The following PLEKHM3 variants were observed in gnomAD, a reference collection of about 807,000 sequenced individuals.
PLEKHM3 encodes the protein pleckstrin homology domain-containing family M member 3.
Under a neutral mutation model 81.8 loss-of-function variants are expected in PLEKHM3, and 45 were observed. That is an observed-to-expected ratio of 0.55 (90% CI 0.43 to 0.71). The LOEUF is 0.71. Ranked by LOEUF, PLEKHM3 falls within the 30% of genes least tolerant of loss-of-function variation. The probability of loss-of-function intolerance (pLI) is 0.00; values close to 1 mark genes in which losing one functional copy is unlikely to be tolerated. For missense variants in PLEKHM3, 788 were observed against 924.3 expected (o/e 0.85, Z 1.91); for synonymous variants, 352 against 356.4 (o/e 0.99, Z 0.14).
intron 4 of PLEKHM3, 87 bp from the exon 5 acceptor site, chr2:207,931,206 A>C: frequency 1.6e-6 from 2 of 1,235,544 alleles, no homozygotes; most frequent in Non-Finnish European, 2.2e-6. Flanking sequence ...TGAAATATCA[A>C]AGGAACACGA....
chr2:207,915,447 G>C (rs1245826196), intron 5 of PLEKHM3, among the ~76,000 whole-genome samples: 1 of 152,042 alleles, frequency 6.6e-6, no homozygotes, highest in East Asian at 1.9e-4. Flanking sequence ...CTCCCACCAA[G>C]CCCCAGTGCT....
intron 7 of PLEKHM3, among the ~76,000 whole-genome samples, chr2:207,842,568 A>G (rs1017124556): frequency 2.6e-5 from 4 of 152,168 alleles, no homozygotes; most frequent in Non-Finnish European, 5.9e-5. Context: ...TTTCAGCCTG[A>G]TATATATTAA....
chr2:207,950,801 T>TA (rs1057017694), intron 3 of PLEKHM3, among the ~76,000 whole-genome samples: 5 of 152,206 alleles, frequency 3.3e-5, no homozygotes, highest in East Asian at 1.9e-4. Flanking sequence ...AGTCAATTTC[T>TA]AAAAAACTGG....
rs192266146 is a variant in PLEKHM3, at chr2:207,858,946, A to C, written c.2108+2159T>G. Among the ~76,000 whole-genome samples the C allele has an allele frequency of 1.6e-3, 250 of 152,268 alleles. 1 individual carries two copies. The highest frequency in any genetic ancestry group is 5.6e-3 in the African/African-American group (234 of 41,566). Reference sequence around the variant, plus strand: ...CAAAAAGAAACCTATACCCATGAGTAGTAACTCCCTTTCCTCCTTCCCCCA... The same window carrying C: ...CAAAAAGAAACCTATACCCATGAGTCGTAACTCCCTTTCCTCCTTCCCCCA... On this transcript the variant is annotated intron_variant, in intron 7 of 7. Coordinates refer to ENST00000427836, the MANE Select transcript of PLEKHM3 (RefSeq NM_001080475.3).
intron 7 of PLEKHM3, 152 bp from the exon 8 acceptor site, chr2:207,828,648 G>T: frequency 1.3e-6 from 1 of 744,786 alleles, no homozygotes; most frequent in Admixed American, 3.1e-5. Context: ...GAAATGAACT[G>T]TTTGTTTTTC....
At chr2:207,911,975 A>G (rs1433855607) in intron 5 of PLEKHM3, among the ~76,000 whole-genome samples, 1 of 152,212 alleles carries the variant, frequency 6.6e-6, no homozygotes, top group African/African-American at 2.4e-5. Context: ...CTTATTTACA[A>G]ATTTACAAAC....
At chr2:207,863,834 T>C (rs1480490118) in intron 6 of PLEKHM3, among the ~76,000 whole-genome samples, 5 of 151,964 alleles carry the variant, frequency 3.3e-5, no homozygotes. Flanking sequence ...AATAAAAGAA[T>C]AACTTTTCTA....
Position 207,822,808 on chromosome 2 carries a change from T to A in PLEKHM3, c.*5511A>T, listed in dbSNP as rs2092225968. ...AGGCTTCAAGTGGTTCAGACTAGAC[T>A]AGAAGCACGAGACAGTACTATAAGG... On this transcript the variant is annotated 3_prime_UTR_variant, in exon 8 of 8. Transcript: ENST00000427836. 1 of 152,154 alleles carries A rather than the reference T, an allele frequency of 6.6e-6. No individual in the cohort carries two copies. Among genetic ancestry groups the A allele is most frequent in the Non-Finnish European group, 1.5e-5 (1 of 68,044 alleles). 9.4% of individuals were successfully genotyped at this position (152,154 alleles called of 1,614,324 possible). A position where few individuals can be genotyped will look rare whatever the true frequency, so the allele number is the denominator to read the frequency against.
intron 7 of PLEKHM3, among the ~76,000 whole-genome samples, chr2:207,848,822 A>G (rs529711588): frequency 6.6e-6 from 1 of 152,362 alleles, no homozygotes; most frequent in East Asian, 1.9e-4. Flanking sequence ...CATGTTCTTC[A>G]GGACAAGCTG....
At chr2:207,983,826 T>C (rs1242698752) in intron 2 of PLEKHM3, among the ~76,000 whole-genome samples, 8 of 152,204 alleles carry the variant, frequency 5.3e-5, no homozygotes, top group Admixed American at 5.2e-4. Flanking sequence ...GTTCCTCTTT[T>C]GCCACTATTT....
chr2:207,864,506 CTA>C (rs1223782981), intron 6 of PLEKHM3, among the ~76,000 whole-genome samples: 1 of 152,142 alleles, frequency 6.6e-6, no homozygotes, highest in Non-Finnish European at 1.5e-5. Flanking sequence ...CACTAACAAA[CTA>C]TAGTCCATTT....
At chr2:207,861,371 A>C in intron 6 of PLEKHM3, 109 bp from the exon 7 acceptor site, 1 of 1,227,794 alleles carries the variant, frequency 8.1e-7, no homozygotes, top group Non-Finnish European at 1.1e-6. Context: ...AAAACCTCTA[A>C]TTATAATTTC....
At chr2:207,862,252 A>C (rs2092471292) in intron 6 of PLEKHM3, among the ~76,000 whole-genome samples, 1 of 152,236 alleles carries the variant, frequency 6.6e-6, no homozygotes, top group African/African-American at 2.4e-5. Flanking sequence ...AAAACAATTG[A>C]AGATTACATT....
intron 7 of PLEKHM3, among the ~76,000 whole-genome samples, chr2:207,830,607 C>CAAAAA (rs10685657): frequency 7.8e-6 from 1 of 127,538 alleles, no homozygotes; most frequent in African/African-American, 3.0e-5. Flanking sequence ...AACTCTGTCT[C>CAAAAA]AAAAAAAAAA....
intron 7 of PLEKHM3, among the ~76,000 whole-genome samples, chr2:207,854,094 C>T (rs1238611840): frequency 2.0e-5 from 3 of 151,762 alleles, no homozygotes; most frequent in African/African-American, 7.3e-5. Flanking sequence ...TTTTTTTTAA[C>T]TGAACTGTAA....
At chr2:207,925,569 CAG>C (rs1689366325) in intron 5 of PLEKHM3, among the ~76,000 whole-genome samples, 1 of 152,230 alleles carries the variant, frequency 6.6e-6, no homozygotes, top group Admixed American at 6.5e-5. Flanking sequence ...TGAAAGCTAA[CAG>C]AGACAGAAAT....
chr2:207,866,528 C>A (rs996853893), intron 6 of PLEKHM3, among the ~76,000 whole-genome samples: 1 of 152,186 alleles, frequency 6.6e-6, no homozygotes, highest in East Asian at 1.9e-4. Context: ...GTTACTATGT[C>A]CCAGACACTC....
intron 7 of PLEKHM3, among the ~76,000 whole-genome samples, chr2:207,846,617 G>T (rs2092384567): frequency 6.6e-6 from 1 of 151,906 alleles, no homozygotes; most frequent in South Asian, 2.1e-4. Flanking sequence ...CAGCTACTCG[G>T]CAGGCTGAGG....
intron 6 of PLEKHM3, among the ~76,000 whole-genome samples, chr2:207,871,966 T>C (rs2092537161): frequency 6.6e-6 from 1 of 152,232 alleles, no homozygotes; most frequent in African/African-American, 2.4e-5. Context: ...AGTTCTGACA[T>C]TACTGACTCA....
Sources: gnomAD v4.1 joint callset for allele counts (sites outside exome capture counted in the v4.1 genomes callset) on GRCh38, gnomAD v4.1.1 for gene constraint, MANE v1.5 for transcripts, NCBI Gene and HGNC (gene_info 2026-07-23, HGNC 2026-07-21) for gene names.